WDR59: variants seen among roughly 807,000 people sequenced by gnomAD.
WDR59 encodes WD repeat domain 59.
WDR59 carries 100 observed loss-of-function variants against 131.2 expected under a neutral mutation model. That is an observed-to-expected ratio of 0.76 (90% CI 0.65 to 0.90). The LOEUF (loss-of-function observed/expected upper bound fraction) is 0.90, where lower values mean the gene tolerates loss of function less well. WDR59 is among the 40% of genes least tolerant of loss of function. WDR59 has a pLI of 0.00. For synonymous variants in WDR59, 601 were observed against 466.2 expected (o/e 1.29, Z -3.72); for missense variants, 1,203 against 1,262.2 (o/e 0.95, Z 0.71).
At chr16:74,967,044 G>C (rs528110587) in intron 1 of WDR59, among the ~76,000 whole-genome samples, 1 of 152,328 alleles carries the variant, frequency 6.6e-6, no homozygotes, top group South Asian at 2.1e-4. Context: ...CTCCAAGACA[G>C]TATCAACGAA....
At chr16:74,890,492 T>C (rs909139589) in intron 20 of WDR59, among the ~76,000 whole-genome samples, 4 of 152,096 alleles carry the variant, frequency 2.6e-5, no homozygotes, top group Non-Finnish European at 4.4e-5. Context: ...GTAAGTTGGG[T>C]TGGCAGGGAG....
intron 18 of WDR59, among the ~76,000 whole-genome samples, chr16:74,903,274 C>A (rs940195901): frequency 3.3e-5 from 5 of 152,206 alleles, no homozygotes; most frequent in Admixed American, 6.5e-5. Flanking sequence ...ATCATGTCAG[C>A]TAGAAGTCTG....
chr16:74,971,070 T>C (rs979153807), intron 1 of WDR59, among the ~76,000 whole-genome samples: 2 of 151,682 alleles, frequency 1.3e-5, no homozygotes, highest in African/African-American at 4.8e-5. Flanking sequence ...AAAAAAAAGA[T>C]GGTAGGTCAG....
Position 74,927,714 on chromosome 16 carries a change from AC to A in WDR59, c.652-3712del, listed in dbSNP as rs2030974098. Among the ~76,000 whole-genome samples, 5 of 151,286 alleles carry A rather than the reference AC, an allele frequency of 3.3e-5. No homozygotes were observed. The South Asian group carries it at 1.1e-3, about 32-fold the overall frequency. ...CACACACACACACACACACACACACACACAAAACTCAGCTTTCTCATTTTCA... is the reference window on the plus strand; with the variant it reads ...CACACACACACACACACACACACACAACAAAACTCAGCTTTCTCATTTTCA... On this transcript the variant is annotated intron_variant, in intron 8 of 25. Transcript: ENST00000262144.
chr16:74,915,615 C>T, intron 13 of WDR59: 1 of 281,178 alleles, frequency 3.6e-6, no homozygotes, highest in South Asian at 6.6e-5. Flanking sequence ...AGGGTTTCAC[C>T]ATGTTGGCCA....
chr16:74,878,765 C>T (rs1409728865), intron 25 of WDR59, among the ~76,000 whole-genome samples: 3 of 152,238 alleles, frequency 2.0e-5, no homozygotes, highest in African/African-American at 7.2e-5. Context: ...GATTTGTCAA[C>T]GTCCTCAGTG....
intron 1 of WDR59, among the ~76,000 whole-genome samples, chr16:74,981,214 T>C (rs1394395871): frequency 3.3e-5 from 5 of 150,748 alleles, no homozygotes; most frequent in African/African-American, 9.8e-5. Context: ...AAAAAATATA[T>C]ATATACAAAA....
intron 8 of WDR59, among the ~76,000 whole-genome samples, chr16:74,927,089 C>G (rs1219546304): frequency 1.3e-5 from 2 of 152,152 alleles, no homozygotes. Flanking sequence ...GGATGAGGTT[C>G]TTCCATTGAG....
chr16:74,946,738 AG>A (rs545772734), intron 6 of WDR59, among the ~76,000 whole-genome samples: 19 of 151,040 alleles, frequency 1.3e-4, no homozygotes, highest in African/African-American at 4.7e-4. Flanking sequence ...AAAAGAAAAA[AG>A]AAAGAAAGAA....
intron 3 of WDR59, among the ~76,000 whole-genome samples, chr16:74,954,893 T>C (rs569888401): frequency 2.0e-5 from 3 of 152,344 alleles, no homozygotes; most frequent in South Asian, 2.1e-4. Context: ...TTCATGTCTA[T>C]GGAAGATCCA....
chr16:74,952,759 T>A (rs2033077399), intron 3 of WDR59, among the ~76,000 whole-genome samples: 1 of 150,290 alleles, frequency 6.7e-6, no homozygotes, highest in African/African-American at 2.4e-5. Context: ...ACTTAATAAT[T>A]TTTTAAATTA....
chr16:74,895,421 C>T (rs1224512204), intron 18 of WDR59, among the ~76,000 whole-genome samples: 1 of 152,128 alleles, frequency 6.6e-6, no homozygotes, highest in Non-Finnish European at 1.5e-5. Flanking sequence ...CACCATCATA[C>T]TCAGCTAATT....
chr16:74,902,530 C>T lies in WDR59; in HGVS notation c.1866+1417G>A, dbSNP rs574074437. Reference sequence around the variant, plus strand: ...TATTTTGATTAGAGTGGGCTTTACACACCCCCACAAAGTGAAAATTACGAG... The same window carrying T: ...TATTTTGATTAGAGTGGGCTTTACATACCCCCACAAAGTGAAAATTACGAG... On this transcript the variant is annotated intron_variant, in intron 18 of 25. Transcript: ENST00000262144. Among the ~76,000 whole-genome samples, 6 of 152,228 alleles carry T rather than the reference C, an allele frequency of 3.9e-5. No individual in the cohort carries two copies. The East Asian group carries it at 1.2e-3, about 29-fold the overall frequency.
chr16:74,928,622 A>G (rs1468013639), intron 8 of WDR59, among the ~76,000 whole-genome samples: 1 of 151,560 alleles, frequency 6.6e-6, no homozygotes, highest in African/African-American at 2.4e-5. Flanking sequence ...CTCCAATGAA[A>G]TGGGTGCACT....
At chr16:74,894,034 T>A (rs2089939735) in intron 18 of WDR59, 1 of 465,132 alleles carries the variant, frequency 2.1e-6, no homozygotes, top group Non-Finnish European at 3.8e-6. Flanking sequence ...AGATACATTC[T>A]GCAGGTGCTC....
At chr16:74,984,870 C>G (rs1455104290) in intron 1 of WDR59, 94 bp downstream of exon 1, 1 of 1,527,856 alleles carries the variant, frequency 6.5e-7, no homozygotes, top group East Asian at 2.4e-5. Flanking sequence ...GGCCTAGGGT[C>G]TCCCCGTAGC....
At chr16:74,954,424 A>G (rs1283956361) in intron 3 of WDR59, among the ~76,000 whole-genome samples, 1 of 152,174 alleles carries the variant, frequency 6.6e-6, no homozygotes, top group Non-Finnish European at 1.5e-5. Flanking sequence ...AAACAAACAA[A>G]AAGACATAAC....
chr16:74,919,983 A>G (rs905963359), intron 10 of WDR59, among the ~76,000 whole-genome samples: 19 of 151,906 alleles, frequency 1.3e-4, no homozygotes, highest in Admixed American at 7.9e-4. Flanking sequence ...AGGTGGAAGC[A>G]CTGCTCGAGC....
chr16:74,894,669 G>T (rs1597657925), intron 18 of WDR59, among the ~76,000 whole-genome samples: 1 of 152,104 alleles, frequency 6.6e-6, no homozygotes, highest in African/African-American at 2.4e-5. Flanking sequence ...AAGGCAAAAG[G>T]AGCTAGTAAA....
Sources: allele counts gnomAD v4.1 joint callset (sites outside exome capture counted in the v4.1 genomes callset), GRCh38; gene constraint gnomAD v4.1.1; transcripts MANE v1.5; gene names NCBI Gene and HGNC (gene_info 2026-07-23, HGNC 2026-07-21).